IGSF21: variants seen among roughly 807,000 people sequenced by gnomAD.
IGSF21 encodes immunoglobin superfamily member 21.
A neutral mutation model predicts 46.8 loss-of-function variants in IGSF21; 28 were observed. That is an observed-to-expected ratio of 0.60 (90% confidence interval 0.44 to 0.82). The LOEUF is 0.82. Among genes scored for constraint, IGSF21 ranks in the 40% least tolerant of loss-of-function variants. The pLI, the probability that IGSF21 is intolerant of heterozygous loss-of-function variation, is 0.00. For missense variants in IGSF21, 624 were observed against 665.5 expected (o/e 0.94, Z 0.69); for synonymous variants, 284 against 273.6 (o/e 1.04, Z -0.38).
intron 1 of IGSF21, among the ~76,000 whole-genome samples, chr1:18,144,644 C>T (rs2086449148): frequency 6.6e-6 from 1 of 152,002 alleles, no homozygotes; most frequent in African/African-American, 2.4e-5. Context: ...GTAAATAGAG[C>T]CCCTTAGACC....
chr1:18,156,004 C>T (rs1054580237), intron 1 of IGSF21, among the ~76,000 whole-genome samples: 2 of 152,374 alleles, frequency 1.3e-5, no homozygotes, highest in Admixed American at 1.3e-4. Context: ...TTATGATGTG[C>T]CACCGGCCTG....
chr1:18,179,153 C>T (rs886697213), intron 1 of IGSF21: 4 of 152,192 alleles, frequency 2.6e-5, no homozygotes, highest in East Asian at 1.9e-4. Context: ...TTGGTCACCT[C>T]GTTCCTGTCC....
At chr1:18,372,657 T>TGGATGG (rs2086238034) in intron 6 of IGSF21, among the ~76,000 whole-genome samples, 2 of 64,480 alleles carry the variant, frequency 3.1e-5, no homozygotes, top group African/African-American at 1.2e-4. Flanking sequence ...TGGATGGATG[T>TGGATGG]TTGGATGGGT....
At chr1:18,164,373 C>A (rs951251804) in intron 1 of IGSF21, among the ~76,000 whole-genome samples, 1 of 151,842 alleles carries the variant, frequency 6.6e-6, no homozygotes, top group Non-Finnish European at 1.5e-5. Flanking sequence ...TCCTTACCTC[C>A]TTTGCTGTCC....
At chr1:18,338,059 G>A (rs2085790272) in intron 4 of IGSF21, among the ~76,000 whole-genome samples, 1 of 152,136 alleles carries the variant, frequency 6.6e-6, no homozygotes, top group Non-Finnish European at 1.5e-5. Context: ...CTGGGAGGCA[G>A]GCACCACAAT....
At chr1:18,226,094 T>A (rs911852443) in intron 1 of IGSF21, among the ~76,000 whole-genome samples, 1 of 152,220 alleles carries the variant, frequency 6.6e-6, no homozygotes, top group Non-Finnish European at 1.5e-5. Context: ...TATCACAATG[T>A]TACACTCAGG....
chr1:18,183,913 C>A (rs1557576771), intron 1 of IGSF21, among the ~76,000 whole-genome samples: 1 of 152,100 alleles, frequency 6.6e-6, no homozygotes, highest in South Asian at 2.1e-4. Context: ...TTGGCTAAAG[C>A]AAGTAACATG....
chr1:18,124,563 CCTTATGT>C (rs1304177998), intron 1 of IGSF21, among the ~76,000 whole-genome samples: 1 of 152,140 alleles, frequency 6.6e-6, no homozygotes, highest in Non-Finnish European at 1.5e-5. Context: ...CCCATCCTGA[CCTTATGT>C]GGCTCTTCGT....
chr1:18,142,565 A>G (rs923908081), intron 1 of IGSF21, among the ~76,000 whole-genome samples: 1 of 152,122 alleles, frequency 6.6e-6, no homozygotes, highest in Admixed American at 6.5e-5. Flanking sequence ...CCTTGGCTCA[A>G]TCTGGGACTT....
intron 1 of IGSF21, among the ~76,000 whole-genome samples, chr1:18,153,326 G>T (rs1481993938): frequency 1.3e-5 from 2 of 152,210 alleles, no homozygotes; most frequent in African/African-American, 4.8e-5. Flanking sequence ...GCCCTAATGG[G>T]CTTCAGAAGG....
chr1:18,259,287 T>C (rs2084919186), intron 2 of IGSF21, among the ~76,000 whole-genome samples: 1 of 152,148 alleles, frequency 6.6e-6, no homozygotes, highest in Non-Finnish European at 1.5e-5. Context: ...TAAGTCTCAA[T>C]TTCTTCATCT....
intron 1 of IGSF21, among the ~76,000 whole-genome samples, chr1:18,162,644 A>T (rs1557564716): frequency 6.6e-6 from 1 of 152,178 alleles, no homozygotes; most frequent in Non-Finnish European, 1.5e-5. Context: ...TACTAAATAC[A>T]TTTTTGACTT....
chr1:18,246,325 T>C (rs1229766617), intron 2 of IGSF21, among the ~76,000 whole-genome samples: 1 of 152,130 alleles, frequency 6.6e-6, no homozygotes, highest in Non-Finnish European at 1.5e-5. Context: ...CACCCCTTCC[T>C]GCCTATAGAT....
In IGSF21 at chr1:18,312,659, G is replaced by A. The variant is rs141911028; in HGVS notation, c.305+20672G>A. 4.1e-3 allele frequency among the ~76,000 whole-genome samples: 621 copies of A among 152,148 alleles called. 3 individuals carry two copies. The highest frequency in any genetic ancestry group is 0.014 in the African/African-American group (593 of 41,490). ...CCATCATCACATCCCCTCCCGCTCC[G>A]ACCCTCCTGTCTCCCTCCAATAAGG... On this transcript the variant is annotated intron_variant, in intron 3 of 9. Transcript: ENST00000251296.
chr1:18,146,163 G>A (rs768961207), intron 1 of IGSF21, among the ~76,000 whole-genome samples: 5 of 152,208 alleles, frequency 3.3e-5, no homozygotes, highest in Admixed American at 6.5e-5. Flanking sequence ...GAGGGAATAT[G>A]TAATCAATGC....
At chr1:18,124,180 A>G (rs182858730) in intron 1 of IGSF21, among the ~76,000 whole-genome samples, 2 of 152,190 alleles carry the variant, frequency 1.3e-5, no homozygotes, top group Non-Finnish European at 2.9e-5. Context: ...TGAAGCCAAA[A>G]TAGGGGTGTG....
In IGSF21 at chr1:18,290,789, C is replaced by G. The variant is rs1325000115; in HGVS notation, c.184-1077C>G. ...TGGGGAAGCTGCTTTCAGCATCCCC[C>G]CTACCCCAGCCCCTTGGAGTCACCC... On this transcript the variant is annotated intron_variant, in intron 2 of 9. Transcript: ENST00000251296. This position sits in a 1 kb window ranked among gnomAD's most constrained non-coding sequence, Gnocchi z 4.2. Among the ~76,000 whole-genome samples, 1 of 152,142 alleles carries G rather than the reference C, an allele frequency of 6.6e-6. No homozygotes were observed. Among genetic ancestry groups the G allele is most frequent in the African/African-American group, 2.4e-5 (1 of 41,438 alleles).
At chr1:18,242,746 G>A (rs1336104571) in intron 2 of IGSF21, among the ~76,000 whole-genome samples, 4 of 152,152 alleles carry the variant, frequency 2.6e-5, no homozygotes, top group East Asian at 1.9e-4. Flanking sequence ...GTCTGAAATC[G>A]CAGGCTCTAA....
chr1:18,342,142 G>A (rs750054350), intron 4 of IGSF21, among the ~76,000 whole-genome samples: 3 of 151,402 alleles, frequency 2.0e-5, no homozygotes, highest in Non-Finnish European at 4.4e-5. Context: ...CCCCCAGGCT[G>A]GAGTGCAGTG....
Sources: gnomAD v4.1 joint callset for allele counts (sites outside exome capture counted in the v4.1 genomes callset) on GRCh38, gnomAD v4.1.1 for gene constraint, Gnocchi (gnomAD v3.1) non-coding constraint, MANE v1.5 for transcripts, NCBI Gene and HGNC (gene_info 2026-07-23, HGNC 2026-07-21) for gene names.